The following RBFOX3 variants were observed in gnomAD, a reference collection of about 807,000 sequenced individuals.
The protein encoded by RBFOX3 is RNA binding protein fox-1 homolog 3.
RBFOX3 carries 17 observed loss-of-function variants against 48.7 expected under a neutral mutation model. That is an observed-to-expected ratio of 0.35 (90% CI 0.24 to 0.52). The LOEUF (loss-of-function observed/expected upper bound fraction) is 0.52, where lower values mean the gene tolerates loss of function less well. Among genes scored for constraint, RBFOX3 ranks in the 20% least tolerant of loss-of-function variants. The probability of loss-of-function intolerance (pLI) is 0.94; values close to 1 mark genes in which losing one functional copy is unlikely to be tolerated. For missense variants in RBFOX3, 382 were observed against 497.5 expected (o/e 0.77, Z 2.21); for synonymous variants, 212 against 209.5 (o/e 1.01, Z -0.10).
At chr17:79,343,753 T>C (rs1332391730) in intron 2 of RBFOX3, among the ~76,000 whole-genome samples, 1 of 152,170 alleles carries the variant, frequency 6.6e-6, no homozygotes, top group Non-Finnish European at 1.5e-5. Flanking sequence ...CCATCATTCA[T>C]CTTCCTTCAT....
chr17:79,178,910 T>C (rs1411991229), intron 4 of RBFOX3, among the ~76,000 whole-genome samples: 1 of 152,218 alleles, frequency 6.6e-6, no homozygotes, highest in Non-Finnish European at 1.5e-5. Flanking sequence ...AGACCAGACC[T>C]GGGCAGCAAT....
chr17:79,152,544 T>C (rs2044783927), intron 4 of RBFOX3, among the ~76,000 whole-genome samples: 1 of 152,122 alleles, frequency 6.6e-6, no homozygotes, highest in Non-Finnish European at 1.5e-5. Flanking sequence ...TCACCCCGCT[T>C]AACGCCCCAC....
chr17:79,170,113 A>AGGAAGGAAGGAAGGAAGGAGGAAGGAG (rs1048363217), intron 4 of RBFOX3, among the ~76,000 whole-genome samples: 3 of 142,216 alleles, frequency 2.1e-5, no homozygotes, highest in Non-Finnish European at 4.6e-5. Flanking sequence ...GGAAAGGAGG[A>AGGAAGGAAGGAAGGAAGGAGGAAGGAG]GGAAGGAAGG....
At chr17:79,116,317 C>T (rs1333246600) in intron 4 of RBFOX3, among the ~76,000 whole-genome samples, 1 of 152,214 alleles carries the variant, frequency 6.6e-6, no homozygotes, top group Non-Finnish European at 1.5e-5. Context: ...GAGTTCAAGA[C>T]CAGCCTGGCC....
chr17:79,322,471 C>T (rs993853321), intron 2 of RBFOX3, among the ~76,000 whole-genome samples: 1 of 152,216 alleles, frequency 6.6e-6, no homozygotes, highest in African/African-American at 2.4e-5. Context: ...CTCTTCCTCT[C>T]CCTTCTCCAT....
the RBFOX3 span, among the ~76,000 whole-genome samples, chr17:79,656,642 GA>G: frequency 1.5e-5 from 2 of 129,452 alleles, no homozygotes; most frequent in African/African-American, 6.7e-5. Flanking sequence ...AAGAAAGGAA[GA>G]GAAGAAAGAA....
In RBFOX3 at chr17:79,361,766, G is replaced by C. The variant is rs1243506963; in HGVS notation, c.-174-53942C>G. Among the ~76,000 whole-genome samples, 1 of 152,220 alleles carries C rather than the reference G, an allele frequency of 6.6e-6. No homozygotes were observed. The highest frequency in any genetic ancestry group is 1.9e-4 in the East Asian group (1 of 5,198). ...GCAGGGGTACCCAGTGTAACTGCCTGCACTTATTTATTTAGAGAAGCAGAG... is the reference window on the plus strand; with the variant it reads ...GCAGGGGTACCCAGTGTAACTGCCTCCACTTATTTATTTAGAGAAGCAGAG... On this transcript the variant is annotated intron_variant, in intron 2 of 14. Transcript: ENST00000693108. The surrounding 1 kb of genome is among the most constrained non-coding windows in gnomAD (Gnocchi z 4.5).
the RBFOX3 span, among the ~76,000 whole-genome samples, chr17:79,664,998 C>T: frequency 6.6e-6 from 1 of 152,152 alleles, no homozygotes; most frequent in African/African-American, 2.4e-5. Flanking sequence ...TTTGTTTAAC[C>T]ATTCATCTGT....
intron 2 of RBFOX3, among the ~76,000 whole-genome samples, chr17:79,412,501 G>A (rs1220788744): frequency 6.6e-6 from 1 of 151,492 alleles, no homozygotes; most frequent in Non-Finnish European, 1.5e-5. Context: ...ATGTATGAGG[G>A]TATGGTGTGT....
intron 3 of RBFOX3, among the ~76,000 whole-genome samples, chr17:79,237,639 T>C (rs1187112208): frequency 1.3e-5 from 2 of 152,148 alleles, no homozygotes; most frequent in Admixed American, 1.3e-4. Flanking sequence ...CAGTATTGGG[T>C]ACTTCATAGG....
At chr17:79,526,703 G>A (rs995313024) in intron 1 of RBFOX3, among the ~76,000 whole-genome samples, 18 of 152,338 alleles carry the variant, frequency 1.2e-4, no homozygotes, top group East Asian at 5.8e-4. Context: ...ACTCAATTCC[G>A]TTGCCCTGGC....
the RBFOX3 span, among the ~76,000 whole-genome samples, chr17:79,625,616 A>C: frequency 1.3e-5 from 2 of 152,156 alleles, no homozygotes; most frequent in Non-Finnish European, 2.9e-5. Flanking sequence ...ACATGGTGAA[A>C]TCCCATCTCT....
intron 1 of RBFOX3, among the ~76,000 whole-genome samples, chr17:79,541,662 A>G (rs1231258594): frequency 2.0e-5 from 3 of 152,206 alleles, no homozygotes; most frequent in Non-Finnish European, 4.4e-5. Flanking sequence ...CACTGTTACC[A>G]TCAAACCGCT....
At chr17:79,183,146 C>T (rs1016022773) in intron 4 of RBFOX3, 39 of 148,036 alleles carry the variant, frequency 2.6e-4, no homozygotes, top group Admixed American at 1.8e-3. Context: ...GCGGGGAGCG[C>T]AGCGGGGGCC....
chr17:79,547,258 C>T (rs1319147218), intron 1 of RBFOX3, among the ~76,000 whole-genome samples: 1 of 152,052 alleles, frequency 6.6e-6, no homozygotes, highest in African/African-American at 2.4e-5. Context: ...ACCAGCCTGA[C>T]CAACACGGTG....
chr17:79,430,253 T>C (rs2148872661), intron 2 of RBFOX3, among the ~76,000 whole-genome samples: 1 of 149,468 alleles, frequency 6.7e-6, no homozygotes, highest in African/African-American at 2.5e-5. Context: ...AGAGTGAACC[T>C]GTCTAAAACA....
chr17:79,265,182 T>C (rs1375528252), intron 3 of RBFOX3, among the ~76,000 whole-genome samples: 1 of 152,048 alleles, frequency 6.6e-6, no homozygotes, highest in Non-Finnish European at 1.5e-5. Context: ...AACAAAACCC[T>C]CTCACCACCC....
chr17:79,172,931 G>A (rs557947382), intron 4 of RBFOX3, among the ~76,000 whole-genome samples: 1 of 152,180 alleles, frequency 6.6e-6, no homozygotes, highest in Non-Finnish European at 1.5e-5. Flanking sequence ...GCTACCAGAC[G>A]GGTGAGGTGG....
rs2071519325 is a variant in RBFOX3, at chr17:79,443,242, C to T, written c.-175+39212G>A. ...TGCTGCCAAGTCCCCTCTGCCCCAACAAGCTGCTAGGTGTGTGTCACCAGG... is the reference window on the plus strand; with the variant it reads ...TGCTGCCAAGTCCCCTCTGCCCCAATAAGCTGCTAGGTGTGTGTCACCAGG... On this transcript the variant is annotated intron_variant, in intron 2 of 14. Coordinates refer to ENST00000693108, the MANE Select transcript of RBFOX3 (RefSeq NM_001350451.2). The surrounding 1 kb of genome is among the most constrained non-coding windows in gnomAD (Gnocchi z 4.4). Among the ~76,000 whole-genome samples the T allele has an allele frequency of 6.6e-6, 1 of 152,372 alleles. No individual in the cohort carries two copies. The highest frequency in any genetic ancestry group is 1.9e-4 in the East Asian group (1 of 5,194).
Sources: gnomAD v4.1 joint callset for allele counts (sites outside exome capture counted in the v4.1 genomes callset) on GRCh38, gnomAD v4.1.1 for gene constraint, Gnocchi (gnomAD v3.1) non-coding constraint, MANE v1.5 for transcripts, NCBI Gene and HGNC (gene_info 2026-07-23, HGNC 2026-07-21) for gene names.